Variants in EHD3 observed in about 807,000 individuals in gnomAD.
EHD3 encodes the protein EH domain containing 3.
A neutral mutation model predicts 43.0 loss-of-function variants in EHD3; 17 were observed. The observed-to-expected ratio is 0.40, with a 90% CI of 0.27 to 0.59. EHD3 has a LOEUF of 0.59. Ranked by LOEUF, EHD3 falls within the 20% of genes least tolerant of loss-of-function variation. The probability of loss-of-function intolerance (pLI) is 0.49; values close to 1 mark genes in which losing one functional copy is unlikely to be tolerated. For synonymous variants in EHD3, 313 were observed against 289.5 expected, an observed-to-expected ratio of 1.08 and a Z score of -0.82; for missense variants, 594 against 705.6, an observed-to-expected ratio of 0.84 and a Z score of 1.79.
At chr2:31,254,651 G>T (rs1558650410) in intron 3 of EHD3, among the ~76,000 whole-genome samples, 2 of 152,186 alleles carry the variant, frequency 1.3e-5, no homozygotes, top group Non-Finnish European at 2.9e-5. Flanking sequence ...ATGGGGTTTT[G>T]TATGTACCCA....
intron 3 of EHD3, among the ~76,000 whole-genome samples, chr2:31,250,719 G>A (rs562633370): frequency 6.6e-6 from 1 of 152,264 alleles, no homozygotes; most frequent in South Asian, 2.1e-4. Context: ...TTGTATCTCT[G>A]GCAAGAAAAT....
chr2:31,260,003 C>T lies in EHD3; in HGVS notation c.503-507C>T, dbSNP rs1040619089. On this transcript the variant is annotated intron_variant, in intron 3 of 5. Transcript: ENST00000322054. The surrounding 1 kb of genome is among the most constrained non-coding windows in gnomAD (Gnocchi z 4.6). ...ATCACCTGAGGTCAGGAGTTCAAGA[C>T]TCAGCCTGGCTAACATGGTTAAACC... 4.6e-5 allele frequency among the ~76,000 whole-genome samples: 7 copies of T among 152,166 alleles called. No individual in the cohort carries two copies. Among genetic ancestry groups the T allele is most frequent in the Non-Finnish European group, 7.3e-5 (5 of 68,034 alleles).
chr2:31,266,063 C>A lies in EHD3; in HGVS notation c.1081-114C>A. ...CTGAGCCTCTAGGTCACAGGTCTTTCATTGTAGAAAGGGATCAGCTGTGAA... is the reference window on the plus strand; with the variant it reads ...CTGAGCCTCTAGGTCACAGGTCTTTAATTGTAGAAAGGGATCAGCTGTGAA... On this transcript the variant is annotated intron_variant, in intron 5 of 5. Coordinates refer to ENST00000322054, the MANE Select transcript of EHD3 (RefSeq NM_014600.3). The surrounding 1 kb of genome is among the most constrained non-coding windows in gnomAD (Gnocchi z 5.1). 7.4e-7 allele frequency: 1 copy of A among 1,344,474 alleles called. No individual in the cohort carries two copies. The allele number at this position is 1,344,474 out of a possible 1,614,324, so 83.3% of individuals were successfully genotyped here.
intron 3 of EHD3, among the ~76,000 whole-genome samples, chr2:31,251,176 T>A (rs1040762012): frequency 1.3e-5 from 2 of 152,196 alleles, no homozygotes; most frequent in Non-Finnish European, 2.9e-5. Flanking sequence ...TTCTGTCCAG[T>A]GCTCCTGTGA....
chr2:31,251,974 G>A (rs981010331), intron 3 of EHD3, among the ~76,000 whole-genome samples: 4 of 152,154 alleles, frequency 2.6e-5, no homozygotes, highest in African/African-American at 9.7e-5. Context: ...GGAAGGCTGG[G>A]GAAAGCCACC....
chr2:31,244,842 A>G (rs1205111878), intron 2 of EHD3, among the ~76,000 whole-genome samples: 1 of 152,148 alleles, frequency 6.6e-6, no homozygotes, highest in Non-Finnish European at 1.5e-5. Flanking sequence ...ATTCACGGAT[A>G]TTGTTTCTAC....
chr2:31,260,655 G>A lies in EHD3; in HGVS notation c.648G>A (p.Val216=). Residue 216 remains valine, a synonymous_variant, in exon 4 of 6, where the codon GTG becomes GTA. Coordinates refer to ENST00000322054, the MANE Select transcript of EHD3 (RefSeq NM_014600.3). The surrounding 1 kb of genome is among the most constrained non-coding windows in gnomAD (Gnocchi z 4.6). ...ALKNHEDKMR[V]VLNKADQIET... Reference sequence around the variant, plus strand: ...AGAACCACGAGGACAAGATGCGAGTGGTGCTGAACAAAGCTGACCAGATCG... The same window carrying A: ...AGAACCACGAGGACAAGATGCGAGTAGTGCTGAACAAAGCTGACCAGATCG... The A allele has an allele frequency of 1.2e-6, 2 of 1,614,214 alleles. No homozygotes were observed. Among genetic ancestry groups the A allele is most frequent in the Non-Finnish European group, 1.7e-6 (2 of 1,180,034 alleles).
At chr2:31,244,575 T>C in intron 2 of EHD3, 125 bp downstream of exon 2, 1 of 1,048,962 alleles carries the variant, frequency 9.5e-7, no homozygotes, top group East Asian at 2.5e-5. Flanking sequence ...AATCTTTCCA[T>C]ACCTAGATTG....
At chr2:31,248,626 TCTGGGG>T (rs891861357) in intron 2 of EHD3, among the ~76,000 whole-genome samples, 1 of 152,146 alleles carries the variant, frequency 6.6e-6, no homozygotes, top group African/African-American at 2.4e-5. Context: ...GAGACCCACT[TCTGGGG>T]CTGGGGCTGG....
intron 1 of EHD3, among the ~76,000 whole-genome samples, chr2:31,241,126 A>C (rs1032238391): frequency 2.0e-5 from 3 of 152,190 alleles, no homozygotes. Flanking sequence ...AGGGAACCCC[A>C]CAGCTGATAT....
intron 3 of EHD3, among the ~76,000 whole-genome samples, chr2:31,256,723 T>C (rs1683759055): frequency 6.6e-6 from 1 of 152,224 alleles, no homozygotes; most frequent in Non-Finnish European, 1.5e-5. Flanking sequence ...ACATCGCTGG[T>C]GTCATCAGGG....
At chr2:31,249,610 T>A in intron 3 of EHD3, 142 bp downstream of exon 3, 1 of 746,184 alleles carries the variant, frequency 1.3e-6, no homozygotes, top group Admixed American at 2.5e-5. Context: ...TGGGATCATT[T>A]TACCTGGGGC....
intron 5 of EHD3, among the ~76,000 whole-genome samples, chr2:31,263,236 T>G (rs1683887643): frequency 6.6e-6 from 1 of 152,256 alleles, no homozygotes; most frequent in South Asian, 2.1e-4. Flanking sequence ...CTTGGAGCAC[T>G]TCAGCTCTTC....
At chr2:31,263,696 T>C (rs1001314899) in intron 5 of EHD3, among the ~76,000 whole-genome samples, 2 of 152,202 alleles carry the variant, frequency 1.3e-5, no homozygotes, top group African/African-American at 2.4e-5. Context: ...AGGTGAGAAG[T>C]ACCCAGGCTA....
rs1683992859 is a variant in EHD3 at position 31,268,290 on chromosome 2, T to C, written c.*1586T>C. The C allele has an allele frequency of 6.5e-6, 1 of 152,700 alleles. No homozygotes were observed. The highest frequency in any genetic ancestry group is 2.1e-4 in the South Asian group (1 of 4,836). 9.5% of individuals were successfully genotyped at this position (152,700 alleles called of 1,614,324 possible). On this transcript the variant is annotated 3_prime_UTR_variant, in exon 6 of 6. Transcript: ENST00000322054. ...ATGAGTATAACTTATTTTATATCCA[T>C]ATTCAGACTATATAGAGAATATTCT...
At chr2:31,236,868 GAC>G (rs1362283066) in intron 1 of EHD3, among the ~76,000 whole-genome samples, 1 of 152,190 alleles carries the variant, frequency 6.6e-6, no homozygotes, top group African/African-American at 2.4e-5. Flanking sequence ...TTTTGTCTGA[GAC>G]ACTCTCCCGG....
intron 1 of EHD3, among the ~76,000 whole-genome samples, chr2:31,243,270 T>A (rs1047074314): frequency 6.6e-6 from 1 of 151,924 alleles, no homozygotes; most frequent in African/African-American, 2.4e-5. Context: ...GGAATGACAC[T>A]CCATGTCAGC....
intron 1 of EHD3, among the ~76,000 whole-genome samples, chr2:31,243,472 T>TTTG (rs1572463354): frequency 2.1e-5 from 3 of 144,306 alleles, no homozygotes; most frequent in South Asian, 2.3e-4. Context: ...TTTTTTTTTT[T>TTTG]TGAGACAGAG....
At chr2:31,246,209 T>C (rs1683523489) in intron 2 of EHD3, among the ~76,000 whole-genome samples, 1 of 152,000 alleles carries the variant, frequency 6.6e-6, no homozygotes, top group African/African-American at 2.4e-5. Flanking sequence ...GTGTCTCTTA[T>C]ACCTGGAACT....
Sources: gnomAD v4.1 joint callset for allele counts (sites outside exome capture counted in the v4.1 genomes callset) on GRCh38, gnomAD v4.1.1 for gene constraint, Gnocchi (gnomAD v3.1) non-coding constraint, MANE v1.5 for transcripts, NCBI Gene and HGNC (gene_info 2026-07-23, HGNC 2026-07-21) for gene names.